CEP83: variants seen among roughly 807,000 people sequenced by gnomAD.
CEP83 encodes centrosomal protein 83, also known as centrosomal protein of 83 kDa.
In CEP83, 70 loss-of-function variants were observed where a neutral mutation model predicts 101.9. That is an observed-to-expected ratio of 0.69 (90% CI 0.57 to 0.84). The LOEUF (loss-of-function observed/expected upper bound fraction) is 0.84. Ranked by LOEUF, CEP83 falls within the 40% of genes least tolerant of loss-of-function variation. The pLI is 0.00. For missense variants in CEP83, 715 were observed against 787.2 expected, an observed-to-expected ratio of 0.91 and a Z score of 1.10; for synonymous variants, 264 against 267.9, an observed-to-expected ratio of 0.99 and a Z score of 0.14.
At chr12:94,441,568 TG>T (rs934246313) in intron 1 of CEP83, among the ~76,000 whole-genome samples, 2 of 152,154 alleles carry the variant, frequency 1.3e-5, no homozygotes, top group Non-Finnish European at 2.9e-5. Flanking sequence ...ACACTGCTGG[TG>T]GGAAGGTAAA....
At chr12:94,339,889 C>A (rs1019887110) in intron 11 of CEP83, among the ~76,000 whole-genome samples, 4 of 152,182 alleles carry the variant, frequency 2.6e-5, no homozygotes, top group African/African-American at 9.7e-5. Flanking sequence ...CAAAGACATG[C>A]CACAGCCCTG....
Position 94,331,321 on chromosome 12 carries a change from T to G in CEP83, c.1707+379A>C, listed in dbSNP as rs1381559944. Reference sequence around the variant, plus strand: ...AAAAAAAAAAAAAAAAAAAAAGATTTAATTATATTTTACTCCATAGAAATC... The same window carrying G: ...AAAAAAAAAAAAAAAAAAAAAGATTGAATTATATTTTACTCCATAGAAATC... On this transcript the variant is annotated intron_variant, in intron 14 of 16. Coordinates refer to ENST00000397809, the MANE Select transcript of CEP83 (RefSeq NM_016122.3). Among the ~76,000 whole-genome samples the G allele has an allele frequency of 8.7e-4, 111 of 127,048 alleles. 3 individuals carry two copies. Among genetic ancestry groups the G allele is most frequent in the Middle Eastern group, 3.9e-3 (1 of 258 alleles). The allele number at this position is 127,048 out of a possible 152,430, so 83.3% of individuals were successfully genotyped here.
chr12:94,368,003 A>T (rs2061106962), intron 10 of CEP83, 54 bp downstream of exon 10: 3 of 1,604,610 alleles, frequency 1.9e-6, no homozygotes, highest in Non-Finnish European at 2.6e-6. Flanking sequence ...ATGACAGCAA[A>T]ATGTTTTCAT....
At chr12:94,279,704 CCTGCCCTCCCTCCCTGT>C in the CEP83 span, 1 of 1,465,624 alleles carries the variant, frequency 6.8e-7, no homozygotes, top group Non-Finnish European at 9.5e-7. Context: ...TCCCTCCCTG[CCTGCCCTCCCTCCCTGT>C]CCCCCCTCCC....
intron 4 of CEP83, among the ~76,000 whole-genome samples, chr12:94,405,052 A>G (rs1209116872): frequency 6.6e-6 from 1 of 152,242 alleles, no homozygotes; most frequent in African/African-American, 2.4e-5. Flanking sequence ...ATGGAGCCAA[A>G]GAAACCAGAC....
At chr12:94,385,952 T>C (rs80096320) in intron 6 of CEP83, among the ~76,000 whole-genome samples, 3,005 of 152,316 alleles carry the variant, frequency 0.02, 36 homozygotes, top group Middle Eastern at 0.034. Context: ...TACAGTGATA[T>C]GCTTTACAGG....
chr12:94,420,220 T>C (rs1566152467), intron 2 of CEP83, among the ~76,000 whole-genome samples: 1 of 152,126 alleles, frequency 6.6e-6, no homozygotes, highest in African/African-American at 2.4e-5. Context: ...AAAACTAGCA[T>C]TATCTACTAA....
chr12:94,430,907 G>A (rs779937474), intron 2 of CEP83, among the ~76,000 whole-genome samples: 31 of 152,212 alleles, frequency 2.0e-4, no homozygotes, highest in South Asian at 1.2e-3. Flanking sequence ...GAAAGTAAAG[G>A]GATGGAAAAA....
chr12:94,458,905 T>C (rs561151853), intron 1 of CEP83, among the ~76,000 whole-genome samples: 1 of 152,352 alleles, frequency 6.6e-6, no homozygotes, highest in South Asian at 2.1e-4. Flanking sequence ...TGTGTTTTAG[T>C]TAAATGTCAG....
At chr12:94,409,185 A>C (rs902698851) in intron 4 of CEP83, among the ~76,000 whole-genome samples, 1 of 152,002 alleles carries the variant, frequency 6.6e-6, no homozygotes, top group East Asian at 1.9e-4. Context: ...GCATCCATTA[A>C]ACAAATAGCT....
intron 4 of CEP83, among the ~76,000 whole-genome samples, 175 bp downstream of exon 4, chr12:94,411,522 A>G (rs1043366170): frequency 2.0e-5 from 3 of 152,126 alleles, no homozygotes; most frequent in African/African-American, 4.8e-5. Flanking sequence ...GCTCCCTTAC[A>G]TGGTAGCTAA....
rs568329735 is a variant in CEP83, at chr12:94,392,374, T to G, written c.549+8476A>C. Among the ~76,000 whole-genome samples the G allele has an allele frequency of 4.6e-5, 7 of 152,292 alleles. No homozygotes were observed. In the South Asian group the frequency reaches 6.2e-4, roughly 14 times the overall value. On this transcript the variant is annotated intron_variant, in intron 6 of 16. Coordinates refer to ENST00000397809, the MANE Select transcript of CEP83 (RefSeq NM_016122.3). ...GCAACTACATGGAAACTGAACAACT[T>G]GCTCCTGAATGACTACTGGGTAAAT...
downstream of CEP83, chr12:94,303,690 C>T (rs1968694992): frequency 9.5e-7 from 1 of 1,055,902 alleles, no homozygotes; most frequent in Non-Finnish European, 1.3e-6. Context: ...TAAATTCCTC[C>T]ATCTTTTTTT....
At chr12:94,453,395 G>T (rs1287120766) in intron 1 of CEP83, among the ~76,000 whole-genome samples, 1 of 152,186 alleles carries the variant, frequency 6.6e-6, no homozygotes, top group Non-Finnish European at 1.5e-5. Context: ...ATTCTAAAGA[G>T]ACATTCCTCA....
chr12:94,370,172 G>T, intron 8 of CEP83, 136 bp from the exon 9 acceptor site: 4 of 596,422 alleles, frequency 6.7e-6, no homozygotes, highest in Middle Eastern at 3.3e-4. Flanking sequence ...AGAAAGAAGT[G>T]TCAGTGCCTG....
downstream of CEP83, among the ~76,000 whole-genome samples, chr12:94,303,192 G>A (rs566091806): frequency 6.6e-6 from 1 of 152,240 alleles, no homozygotes; most frequent in South Asian, 2.1e-4. Flanking sequence ...TCACACATCA[G>A]AGCCACCAAT....
the CEP83 span, among the ~76,000 whole-genome samples, chr12:94,290,433 G>T: frequency 6.6e-6 from 1 of 152,258 alleles, no homozygotes; most frequent in Non-Finnish European, 1.5e-5. Context: ...GAGCAGAGTC[G>T]AAGAGCTCAG....
Position 94,412,325 on chromosome 12 carries a change from G to A in CEP83, c.166C>T (p.His56Tyr), listed in dbSNP as rs2063937105. The A allele has an allele frequency of 1.5e-5, 24 of 1,601,504 alleles. No homozygotes were observed. The highest frequency in any genetic ancestry group is 1.9e-5 in the Non-Finnish European group (22 of 1,175,658). The change falls in exon 3 of 17, where the codon CAC becomes TAC. Residue 56 changes from histidine (H) to tyrosine (Y), a missense_variant. Coordinates refer to ENST00000397809, the MANE Select transcript of CEP83 (RefSeq NM_016122.3). Reference protein sequence around the residue: ...KANYQTLKAEHTRLQNEHVKL... With the variant: ...KANYQTLKAEYTRLQNEHVKL... ...TAGATTTAAGTAATTTACCTTGTGT[G>A]TTCAGCCTTCAGTGTCTGATAATTA...
At chr12:94,359,211 G>A (rs796691124) in intron 11 of CEP83, among the ~76,000 whole-genome samples, 49 of 152,264 alleles carry the variant, frequency 3.2e-4, no homozygotes, top group African/African-American at 1.1e-3. Flanking sequence ...GAGAAATCAG[G>A]GGATTTCCCA....
Sources: allele counts gnomAD v4.1 joint callset (sites outside exome capture counted in the v4.1 genomes callset), GRCh38; gene constraint gnomAD v4.1.1; transcripts MANE v1.5; gene names NCBI Gene and HGNC (gene_info 2026-07-23, HGNC 2026-07-21).